Variants in WDR70 observed in about 807,000 individuals in gnomAD.
WDR70 encodes WD repeat-containing protein 70.
In WDR70, 53 loss-of-function variants were observed where a neutral mutation model predicts 88.6. The ratio of observed to expected loss-of-function variants is 0.60; its 90% CI spans 0.48 to 0.75. The LOEUF is 0.75. Among genes scored for constraint, WDR70 ranks in the 30% least tolerant of loss-of-function variants. WDR70 has a pLI of 0.00. For synonymous variants in WDR70, 280 were observed against 270.0 expected (o/e 1.04, Z -0.36); for missense variants, 610 against 823.2 (o/e 0.74, Z 3.17).
intron 7 of WDR70, among the ~76,000 whole-genome samples, chr5:37,463,845 G>A (rs1739084865): frequency 6.6e-6 from 1 of 152,198 alleles, no homozygotes; most frequent in African/African-American, 2.4e-5. Context: ...ACTTAAGAGT[G>A]AAGTGAGACA....
At chr5:37,432,083 C>G (rs943142997) in intron 5 of WDR70, among the ~76,000 whole-genome samples, 7 of 152,150 alleles carry the variant, frequency 4.6e-5, no homozygotes, top group African/African-American at 1.7e-4. Context: ...ATTGGAATTG[C>G]TGGATCATAC....
intron 9 of WDR70, among the ~76,000 whole-genome samples, chr5:37,602,070 G>T (rs576445107): frequency 7.3e-5 from 11 of 151,662 alleles, no homozygotes; most frequent in East Asian, 3.9e-4. Flanking sequence ...GGCCTGTCGG[G>T]GGGTGGGAGG....
intron 11 of WDR70, 75 bp downstream of exon 11, chr5:37,697,829 C>G: frequency 7.8e-7 from 1 of 1,284,750 alleles, no homozygotes; most frequent in South Asian, 1.3e-5. Context: ...ACAATAATAT[C>G]CTAGTGCTTA....
At chr5:37,429,128 C>T (rs1446000612) in intron 5 of WDR70, among the ~76,000 whole-genome samples, 2 of 152,160 alleles carry the variant, frequency 1.3e-5, no homozygotes, top group Admixed American at 6.5e-5. Context: ...CATCGCTGTG[C>T]CTGGCTAATG....
At chr5:37,560,230 A>G (rs1183708421) in intron 9 of WDR70, among the ~76,000 whole-genome samples, 1 of 152,176 alleles carries the variant, frequency 6.6e-6, no homozygotes, top group South Asian at 2.1e-4. Context: ...ATAAATTGCT[A>G]ATGTTGTATT....
intron 8 of WDR70, among the ~76,000 whole-genome samples, chr5:37,513,899 A>T (rs1740799006): frequency 6.6e-6 from 1 of 152,150 alleles, no homozygotes; most frequent in East Asian, 1.9e-4. Flanking sequence ...CACACCCAGG[A>T]TCAATACTTT....
At chr5:37,666,509 T>C (rs764242320) in intron 10 of WDR70, among the ~76,000 whole-genome samples, 1 of 152,232 alleles carries the variant, frequency 6.6e-6, no homozygotes, top group African/African-American at 2.4e-5. Flanking sequence ...TAGCAACGGA[T>C]GATAATTTTA....
intron 10 of WDR70, among the ~76,000 whole-genome samples, chr5:37,667,382 A>C (rs1217135560): frequency 1.3e-5 from 2 of 152,202 alleles, no homozygotes; most frequent in Non-Finnish European, 2.9e-5. Context: ...ACTGCACTGA[A>C]TAGCAACATG....
intron 9 of WDR70, among the ~76,000 whole-genome samples, chr5:37,558,513 A>G (rs1039763024): frequency 6.6e-5 from 10 of 151,152 alleles, no homozygotes; most frequent in African/African-American, 2.4e-4. Context: ...TTTTTTAGAG[A>G]TAGGGTTTTG....
At chr5:37,501,725 G>A (rs1191466457) in intron 8 of WDR70, among the ~76,000 whole-genome samples, 1 of 152,016 alleles carries the variant, frequency 6.6e-6, no homozygotes, top group Non-Finnish European at 1.5e-5. Context: ...ATGTTTTGGT[G>A]TGCTTTGTCA....
chr5:37,469,826 A>G (rs1350345011), intron 7 of WDR70, among the ~76,000 whole-genome samples: 1 of 152,288 alleles, frequency 6.6e-6, no homozygotes, highest in African/African-American at 2.4e-5. Flanking sequence ...AATAGCCCCT[A>G]AGGTAAACTA....
At chr5:37,606,597 A>G (rs1744037035) in intron 10 of WDR70, among the ~76,000 whole-genome samples, 1 of 152,082 alleles carries the variant, frequency 6.6e-6, no homozygotes, top group African/African-American at 2.4e-5. Context: ...AATAAGGAGT[A>G]TCTCCTATTT....
chr5:37,751,178 G>A (rs1056450210), intron 17 of WDR70, among the ~76,000 whole-genome samples: 1 of 152,194 alleles, frequency 6.6e-6, no homozygotes, highest in African/African-American at 2.4e-5. Context: ...ATCTTTGCCA[G>A]AAGATGAAAT....
At chr5:37,677,699 A>C (rs965800141) in intron 10 of WDR70, among the ~76,000 whole-genome samples, 2 of 152,294 alleles carry the variant, frequency 1.3e-5, no homozygotes, top group African/African-American at 4.8e-5. Context: ...TGCTGAAAAA[A>C]AATGTGTATT....
chr5:37,436,203 T>A (rs1280272053), intron 5 of WDR70, among the ~76,000 whole-genome samples: 1 of 152,144 alleles, frequency 6.6e-6, no homozygotes, highest in Non-Finnish European at 1.5e-5. Context: ...TAAGATGATG[T>A]GGCCAATATA....
chr5:37,515,626 G>A (rs1740864232), intron 8 of WDR70, among the ~76,000 whole-genome samples: 1 of 152,232 alleles, frequency 6.6e-6, no homozygotes. Context: ...CCAGGCCTAT[G>A]TATCTTTTCA....
intron 9 of WDR70, among the ~76,000 whole-genome samples, chr5:37,595,507 A>G (rs1025301166): frequency 3.3e-5 from 5 of 152,152 alleles, no homozygotes; most frequent in African/African-American, 1.2e-4. Context: ...TTAACATTTC[A>G]GTTCTTCCCA....
At chr5:37,487,627 A>ATAT (rs1317924512) in intron 8 of WDR70, among the ~76,000 whole-genome samples, 107 of 69,032 alleles carry the variant, frequency 1.6e-3, no homozygotes, top group African/African-American at 5.0e-3. Context: ...ATATATATGT[A>ATAT]TTTTTTTTTT....
At chr5:37,594,323 C>T (rs9686842) in intron 9 of WDR70, among the ~76,000 whole-genome samples, 4 of 151,974 alleles carry the variant, frequency 2.6e-5, no homozygotes, top group South Asian at 4.2e-4. Flanking sequence ...TTTTTTTATA[C>T]GGTATAAGGA....
Sources: gnomAD v4.1 joint callset for allele counts (sites outside exome capture counted in the v4.1 genomes callset) on GRCh38, gnomAD v4.1.1 for gene constraint, MANE v1.5 for transcripts, NCBI Gene and HGNC (gene_info 2026-07-23, HGNC 2026-07-21) for gene names.